The following DISC1 variants were observed in gnomAD, a reference collection of about 807,000 sequenced individuals.
DISC1 encodes DISC1 scaffold protein, also known as disrupted in schizophrenia 1 protein.
In DISC1, 57 loss-of-function variants were observed where a neutral mutation model predicts 84.5. The observed-to-expected ratio is 0.67, with a 90% CI of 0.55 to 0.84. DISC1 has a LOEUF of 0.84. Among genes scored for constraint, DISC1 ranks in the 40% least tolerant of loss-of-function variants. The pLI is 0.00. For synonymous variants in DISC1, 411 were observed against 415.2 expected, an observed-to-expected ratio of 0.99 and a Z score of 0.12; for missense variants, 1,000 against 1,057.8, an observed-to-expected ratio of 0.95 and a Z score of 0.76.
At chr1:232,020,280 C>T (rs542869242) in intron 11 of DISC1, among the ~76,000 whole-genome samples, 136 of 151,852 alleles carry the variant, frequency 9.0e-4, no homozygotes, top group African/African-American at 3.1e-3. Flanking sequence ...AGGCAGAGGT[C>T]GCAGTGAGCC....
At chr1:231,676,857 C>T (rs186480198) in intron 1 of DISC1, among the ~76,000 whole-genome samples, 24 of 152,138 alleles carry the variant, frequency 1.6e-4, no homozygotes, top group Admixed American at 1.4e-3. Context: ...CTATTAAAGA[C>T]CCCTTTTAAA....
At chr1:231,962,649 G>A (rs186847101) in intron 10 of DISC1, among the ~76,000 whole-genome samples, 4 of 152,166 alleles carry the variant, frequency 2.6e-5, no homozygotes, top group Non-Finnish European at 5.9e-5. Flanking sequence ...GGAGATTAGG[G>A]TATATTTTTA....
At chr1:231,653,190 A>G (rs780426942) in intron 1 of DISC1, among the ~76,000 whole-genome samples, 22 of 152,252 alleles carry the variant, frequency 1.4e-4, no homozygotes, top group Non-Finnish European at 2.9e-4. Context: ...AAGTTTTTGT[A>G]TTTAAGGTGA....
At chr1:231,798,430 G>C (rs1407036344) in intron 7 of DISC1, among the ~76,000 whole-genome samples, 1 of 152,114 alleles carries the variant, frequency 6.6e-6, no homozygotes, top group Non-Finnish European at 1.5e-5. Flanking sequence ...CTCAACAAAG[G>C]AGAAACTGAC....
chr1:231,828,000 T>G (rs1306376750), intron 9 of DISC1, among the ~76,000 whole-genome samples: 2 of 152,224 alleles, frequency 1.3e-5, no homozygotes, highest in Non-Finnish European at 2.9e-5. Flanking sequence ...CTTTCTGGAG[T>G]CTTAATAACT....
rs539411628 is a variant in DISC1 at position 231,726,002 on chromosome 1, C to T, written c.1118-23924C>T. 2.6e-5 allele frequency among the ~76,000 whole-genome samples: 4 copies of T among 152,244 alleles called. No individual in the cohort carries two copies. In the East Asian group the frequency reaches 7.7e-4, roughly 29 times the overall value. ...GACAGGAAGGAGCACATCCCCTTTC[C>T]TCCTCCAGCCTTGCAGTCTCTTTGG... On this transcript the variant is annotated intron_variant, in intron 3 of 12. Transcript: ENST00000439617.
intron 1 of DISC1, among the ~76,000 whole-genome samples, chr1:231,639,472 T>C (rs2059453878): frequency 6.6e-6 from 1 of 152,180 alleles, no homozygotes; most frequent in African/African-American, 2.4e-5. Flanking sequence ...AAGTGCATCT[T>C]CTCCTAGAAG....
At position 231,923,770 on chromosome 1, in the gene DISC1, C is replaced by T. The variant is rs201167398; in HGVS notation, c.1982-35058C>T. On this transcript the variant is annotated intron_variant, in intron 9 of 12. Coordinates refer to ENST00000439617, the MANE Select transcript of DISC1 (RefSeq NM_018662.3). ...ATGCAGAGGAGATGCTGAAAGTTAGCGCTGTGGCTTTCAAGATCCTCCTGT... is the reference window on the plus strand; with the variant it reads ...ATGCAGAGGAGATGCTGAAAGTTAGTGCTGTGGCTTTCAAGATCCTCCTGT... 9.2e-5 allele frequency among the ~76,000 whole-genome samples: 14 copies of T among 152,288 alleles called. No homozygotes were observed. In the South Asian group the frequency reaches 2.5e-3, roughly 27 times the overall value.
chr1:231,762,965 T>C lies in DISC1; in HGVS notation c.1269-4175T>C, dbSNP rs117585915. Among the ~76,000 whole-genome samples the C allele has an allele frequency of 1.1e-3, 165 of 152,276 alleles. 3 individuals carry two copies. In the East Asian group the frequency reaches 0.029, roughly 26 times the overall value. Reference sequence around the variant, plus strand: ...AGATTAGGTAAGTGCGGTGACACGGTGTGAAAAAGGCAGAACCAAGACCCA... The same window carrying C: ...AGATTAGGTAAGTGCGGTGACACGGCGTGAAAAAGGCAGAACCAAGACCCA... On this transcript the variant is annotated intron_variant, in intron 4 of 12. Coordinates refer to ENST00000439617, the MANE Select transcript of DISC1 (RefSeq NM_018662.3).
intron 1 of DISC1, among the ~76,000 whole-genome samples, chr1:231,678,169 T>C (rs1466417405): frequency 6.6e-6 from 1 of 152,106 alleles, no homozygotes; most frequent in African/African-American, 2.4e-5. Flanking sequence ...AATGAGATCG[T>C]AAATAAAAAA....
At chr1:231,636,546 T>G (rs199758982) in intron 1 of DISC1, among the ~76,000 whole-genome samples, 15 of 152,208 alleles carry the variant, frequency 9.9e-5, no homozygotes, top group Non-Finnish European at 1.9e-4. Context: ...TTTATATATT[T>G]TCTTGACTCT....
chr1:231,716,977 C>T lies in DISC1; in HGVS notation c.1117+14953C>T, dbSNP rs573152760. Among the ~76,000 whole-genome samples the T allele has an allele frequency of 4.6e-5, 7 of 152,296 alleles. No individual in the cohort carries two copies. The East Asian group carries it at 7.7e-4, about 17-fold the overall frequency. On this transcript the variant is annotated intron_variant, in intron 3 of 12. Coordinates refer to ENST00000439617, the MANE Select transcript of DISC1 (RefSeq NM_018662.3). ...ATCAATATCAAATCCACTACCAACA[C>T]GTTCTGGATGGCAGAGAGGCATGCC... is the stretch of plus-strand genomic sequence containing the variant.
At chr1:231,873,882 C>T (rs1005783284) in intron 9 of DISC1, among the ~76,000 whole-genome samples, 1 of 151,106 alleles carries the variant, frequency 6.6e-6, no homozygotes, top group Non-Finnish European at 1.5e-5. Flanking sequence ...TTCTCTATTG[C>T]CCAGGCTGAA....
chr1:231,925,092 GT>G (rs2090281993), intron 9 of DISC1, among the ~76,000 whole-genome samples: 1 of 151,912 alleles, frequency 6.6e-6, no homozygotes, highest in African/African-American at 2.4e-5. Flanking sequence ...CGTGTTTATG[GT>G]GCTACTGAGG....
chr1:231,966,055 A>T (rs926540245), intron 10 of DISC1, among the ~76,000 whole-genome samples: 1 of 152,246 alleles, frequency 6.6e-6, no homozygotes, highest in Non-Finnish European at 1.5e-5. Context: ...GCATGTAGTC[A>T]ACAGACAAAT....
chr1:231,925,117 A>C (rs974067830), intron 9 of DISC1, among the ~76,000 whole-genome samples: 1 of 152,146 alleles, frequency 6.6e-6, no homozygotes, highest in Non-Finnish European at 1.5e-5. Flanking sequence ...TGAAGAATTC[A>C]TCTGGAAACT....
At chr1:231,862,332 A>G (rs568299788) in intron 9 of DISC1, among the ~76,000 whole-genome samples, 1 of 152,152 alleles carries the variant, frequency 6.6e-6, no homozygotes, top group Non-Finnish European at 1.5e-5. Context: ...CACTCATGGC[A>G]ACTGTTTCCC....
At chr1:231,807,603 G>A (rs141370031) in intron 8 of DISC1, among the ~76,000 whole-genome samples, 255 of 152,246 alleles carry the variant, frequency 1.7e-3, no homozygotes, top group African/African-American at 5.8e-3. Context: ...ACTTCAGTGG[G>A]TACGTCTGGT....
At chr1:232,001,844 G>A (rs550454796) in intron 10 of DISC1, among the ~76,000 whole-genome samples, 47 of 152,236 alleles carry the variant, frequency 3.1e-4, no homozygotes, top group African/African-American at 9.4e-4. Flanking sequence ...TCCAAGACTC[G>A]ACATTAGAAG....
Sources: allele counts gnomAD v4.1 joint callset (sites outside exome capture counted in the v4.1 genomes callset), GRCh38; gene constraint gnomAD v4.1.1; transcripts MANE v1.5; gene names NCBI Gene and HGNC (gene_info 2026-07-23, HGNC 2026-07-21).